FAM50B: variants seen among roughly 807,000 people sequenced by gnomAD.
FAM50B encodes protein FAM50B.
FAM50B carries 9 observed loss-of-function variants against 25.4 expected under a neutral mutation model. That is an observed-to-expected ratio of 0.35 (90% CI 0.21 to 0.62). The LOEUF is 0.62. Ranked by LOEUF, FAM50B falls within the 20% of genes least tolerant of loss-of-function variation. The probability of loss-of-function intolerance (pLI) is 0.73; values close to 1 mark genes in which losing one functional copy is unlikely to be tolerated. For missense variants in FAM50B, 372 were observed against 477.9 expected, an observed-to-expected ratio of 0.78 and a Z score of 2.07; for synonymous variants, 212 against 204.3, an observed-to-expected ratio of 1.04 and a Z score of -0.32.
the FAM50B span, among the ~76,000 whole-genome samples, chr6:3,836,848 A>G: frequency 6.6e-6 from 1 of 152,184 alleles, no homozygotes; most frequent in Non-Finnish European, 1.5e-5. Context: ...TATGTATTGA[A>G]GCCAAGGACA....
At chr6:3,833,663 T>C in the FAM50B span, 2 of 152,172 alleles carry the variant, frequency 1.3e-5, no homozygotes, top group African/African-American at 4.8e-5. Flanking sequence ...CAAGAAGAAA[T>C]TTATTGGCAG....
the FAM50B span, among the ~76,000 whole-genome samples, chr6:3,837,760 G>C: frequency 2.7e-5 from 4 of 150,226 alleles, no homozygotes; most frequent in African/African-American, 9.8e-5. Context: ...AGAGAGAGAG[G>C]GGGCCACAAG....
the FAM50B span, among the ~76,000 whole-genome samples, chr6:3,835,735 A>G: frequency 1.3e-5 from 2 of 152,238 alleles, no homozygotes; most frequent in Non-Finnish European, 2.9e-5. Context: ...TAATTTTTCC[A>G]GATAAAAAAT....
the FAM50B span, among the ~76,000 whole-genome samples, chr6:3,842,295 C>T: frequency 7.2e-5 from 11 of 152,156 alleles, no homozygotes; most frequent in Non-Finnish European, 1.2e-4. Flanking sequence ...ACGTAGTGTG[C>T]GAAGCCACAT....
chr6:3,840,692 T>C, the FAM50B span, among the ~76,000 whole-genome samples: 16 of 152,156 alleles, frequency 1.1e-4, no homozygotes, highest in Non-Finnish European at 2.2e-4. Flanking sequence ...GTGGGTGCTT[T>C]TGAAGCTCGG....
At chr6:3,843,013 A>G in the FAM50B span, among the ~76,000 whole-genome samples, 2 of 152,134 alleles carry the variant, frequency 1.3e-5, no homozygotes, top group African/African-American at 4.8e-5. Context: ...ATTTGTTAAT[A>G]TTTTGTTTGG....
chr6:3,840,283 A>G, the FAM50B span, among the ~76,000 whole-genome samples: 251 of 152,000 alleles, frequency 1.7e-3, no homozygotes, highest in African/African-American at 5.5e-3. Flanking sequence ...CTGAGCCACC[A>G]CGTCCTGCCA....
rs777690143 is a variant in FAM50B, at chr6:3,850,535, C to T, written c.724C>T (p.Leu242Phe). 7.4e-6 allele frequency: 12 copies of T among 1,614,002 alleles called. No homozygotes were observed. Among genetic ancestry groups the T allele is most frequent in the Non-Finnish European group, 1.0e-5 (12 of 1,180,036 alleles). Residue 242 changes from leucine (L) to phenylalanine (F), a missense_variant, in exon 2 of 2, where the codon CTC becomes TTC. By Grantham distance (22) the Leu-to-Phe change is conservative. This residue lies in a region of FAM50B where 27 missense variants were observed against 61.6 expected (regional missense o/e 0.44). Coordinates refer to ENST00000648326, the MANE Select transcript of FAM50B (RefSeq NM_012135.3). ...VEQLMFIKED[L>F]ILPHYHTFYD... ...GCAGCTCATGTTCATCAAGGAGGACCTCATCCTGCCGCACTACCACACCTT... is the reference window on the plus strand; with the variant it reads ...GCAGCTCATGTTCATCAAGGAGGACTTCATCCTGCCGCACTACCACACCTT...
the FAM50B span, among the ~76,000 whole-genome samples, chr6:3,844,273 T>C: frequency 1.3e-5 from 2 of 152,226 alleles, no homozygotes; most frequent in Non-Finnish European, 2.9e-5. Flanking sequence ...GTGTATTTAA[T>C]CGGCATTTCT....
Position 3,850,708 on chromosome 6 carries a change from G to A in FAM50B, c.897G>A (p.Glu299=), listed in dbSNP as rs1762206256. 1.9e-6 allele frequency: 3 copies of A among 1,613,992 alleles called. No homozygotes were observed. Among genetic ancestry groups the A allele is most frequent in the Non-Finnish European group, 1.7e-6 (2 of 1,180,034 alleles). ...AGKVVLRSWY[E]KNKHIFPASR... ...AGGTGGTGCTGCGCAGCTGGTACGA[G>A]AAGAACAAGCACATCTTCCCCGCCA... The change falls in exon 2 of 2, where the codon GAG becomes GAA. Residue 299 remains glutamate (E), a synonymous_variant. Coordinates refer to ENST00000648326, the MANE Select transcript of FAM50B (RefSeq NM_012135.3).
the FAM50B span, among the ~76,000 whole-genome samples, chr6:3,836,232 A>T: frequency 1.3e-5 from 2 of 152,210 alleles, no homozygotes; most frequent in African/African-American, 4.8e-5. Flanking sequence ...CCTGTCCCCT[A>T]GACCCCTGGC....
At chr6:3,835,913 A>G in the FAM50B span, among the ~76,000 whole-genome samples, 35 of 152,202 alleles carry the variant, frequency 2.3e-4, no homozygotes, top group Non-Finnish European at 4.7e-4. Context: ...GCAGGATTCC[A>G]GAGCTTCAGG....
chr6:3,832,088 A>G, the FAM50B span: 5 of 152,226 alleles, frequency 3.3e-5, no homozygotes, highest in South Asian at 2.1e-4. Context: ...AGTAAAGCCA[A>G]TTGAGAAGCG....
At chr6:3,842,375 G>A in the FAM50B span, among the ~76,000 whole-genome samples, 2,402 of 152,318 alleles carry the variant, frequency 0.016, 46 homozygotes, top group Non-Finnish European at 0.023. Flanking sequence ...TGCTTTCTAC[G>A]TGTTTCTACA....
chr6:3,840,615 G>A, the FAM50B span, among the ~76,000 whole-genome samples: 134 of 152,308 alleles, frequency 8.8e-4, no homozygotes, highest in African/African-American at 3.2e-3. Flanking sequence ...GCCGGAACAC[G>A]TTCTTTGGAC....
At chr6:3,832,635 C>T in the FAM50B span, among the ~76,000 whole-genome samples, 45 of 152,168 alleles carry the variant, frequency 3.0e-4, no homozygotes, top group African/African-American at 1.1e-3. Context: ...GAGATGGGAG[C>T]TCTTGAATCA....
the FAM50B span, among the ~76,000 whole-genome samples, chr6:3,841,016 C>T: frequency 7.2e-5 from 11 of 152,318 alleles, no homozygotes; most frequent in East Asian, 3.9e-4. Flanking sequence ...ATATATACCA[C>T]GAAGTTGTTT....
chr6:3,832,749 T>C, the FAM50B span, among the ~76,000 whole-genome samples: 53 of 152,228 alleles, frequency 3.5e-4, no homozygotes, highest in Non-Finnish European at 7.2e-4. Flanking sequence ...TCTAATTCTT[T>C]GGTGCCACCA....
Position 3,850,717 on chromosome 6 carries a change from G to A in FAM50B, c.906G>A (p.Lys302=), listed in dbSNP as rs1287998866. The change falls in exon 2 of 2, where the codon AAG becomes AAA. Residue 302 remains lysine, a synonymous_variant. Transcript: ENST00000648326. The stretch of plus-strand genomic sequence containing the variant: ...TGCGCAGCTGGTACGAGAAGAACAA[G>A]CACATCTTCCCCGCCAGCCGCTGGG... ...VVLRSWYEKN[K]HIFPASRWEA... 1.9e-6 allele frequency: 3 copies of A among 1,614,060 alleles called. No individual in the cohort carries two copies. The highest frequency in any genetic ancestry group is 2.2e-5 in the East Asian group (1 of 44,866).
Sources: gnomAD v4.1 joint callset for allele counts (sites outside exome capture counted in the v4.1 genomes callset) on GRCh38, gnomAD v4.1.1 for gene constraint, gnomAD v4.1.1 regional missense constraint, MANE v1.5 for transcripts, NCBI Gene and HGNC (gene_info 2026-07-23, HGNC 2026-07-21) for gene names.